Variants in UBE2D2 observed in about 807,000 individuals in gnomAD.
The protein encoded by UBE2D2 is ubiquitin-conjugating enzyme E2 D2.
UBE2D2 carries 2 observed loss-of-function variants against 24.2 expected under a neutral mutation model. The ratio of observed to expected loss-of-function variants is 0.08; its 90% CI spans 0.03 to 0.26. UBE2D2 has a LOEUF of 0.26. UBE2D2 is among the 10% of genes least tolerant of loss of function. The pLI is 1.00. For missense variants in UBE2D2, 44 were observed against 177.6 expected (o/e 0.25, Z 4.28); for synonymous variants, 58 against 56.5 (o/e 1.03, Z -0.12).
At chr5:139,592,378 C>T (rs932781348) in intron 1 of UBE2D2, among the ~76,000 whole-genome samples, 9 of 151,990 alleles carry the variant, frequency 5.9e-5, no homozygotes, top group African/African-American at 1.7e-4. Flanking sequence ...TTTAACTCAT[C>T]AGACATAAAA....
At chr5:139,575,934 G>T (rs554109558) in intron 1 of UBE2D2, among the ~76,000 whole-genome samples, 64 of 152,276 alleles carry the variant, frequency 4.2e-4, no homozygotes, top group Non-Finnish European at 7.4e-5. Context: ...GGAAGAGGAG[G>T]ATCTCTTGAG....
intron 6 of UBE2D2, among the ~76,000 whole-genome samples, chr5:139,625,424 A>ACC (rs1561523477): frequency 2.0e-4 from 4 of 19,528 alleles, no homozygotes; most frequent in Admixed American, 1.4e-3. Context: ...CAGCATACCC[A>ACC]CCCCCACCCC....
chr5:139,568,834 G>T (rs1264623015), intron 1 of UBE2D2, among the ~76,000 whole-genome samples: 2 of 152,142 alleles, frequency 1.3e-5, no homozygotes, highest in Non-Finnish European at 2.9e-5. Flanking sequence ...AGCCGGGCAT[G>T]GTGGTGAGCA....
At chr5:139,619,920 C>T (rs1041546685) in intron 5 of UBE2D2, among the ~76,000 whole-genome samples, 3 of 152,090 alleles carry the variant, frequency 2.0e-5, no homozygotes, top group African/African-American at 7.2e-5. Flanking sequence ...GAAAGCATGG[C>T]AGCATCTGCT....
In UBE2D2 at chr5:139,588,803, C is replaced by T. The variant is rs532416701; in HGVS notation, c.25-11569C>T. 5.3e-5 allele frequency among the ~76,000 whole-genome samples: 8 copies of T among 152,168 alleles called. No homozygotes were observed. The East Asian group carries it at 1.5e-3, about 29-fold the overall frequency. On this transcript the variant is annotated intron_variant, in intron 1 of 6. Transcript: ENST00000398733. ...TTTTGTTTTTTGAGATAGGGTCTTG[C>T]CCTGTCACCCAGGGTGAAGTGCAGT...
intron 1 of UBE2D2, among the ~76,000 whole-genome samples, chr5:139,530,360 A>G (rs529890480): frequency 1.3e-5 from 2 of 152,272 alleles, no homozygotes; most frequent in South Asian, 2.1e-4. Context: ...AAACAGGTGA[A>G]CTTCTAGGCT....
chr5:139,534,358 A>C (rs1250525462), intron 1 of UBE2D2, among the ~76,000 whole-genome samples: 1 of 151,878 alleles, frequency 6.6e-6, no homozygotes, highest in Non-Finnish European at 1.5e-5. Context: ...CGAGGTCAGG[A>C]GATCGAGACC....
At chr5:139,536,291 G>C (rs1752681323) in intron 1 of UBE2D2, among the ~76,000 whole-genome samples, 1 of 151,364 alleles carries the variant, frequency 6.6e-6, no homozygotes, top group Admixed American at 6.6e-5. Context: ...TATAGACAGG[G>C]TTTCTCCACA....
chr5:139,552,725 C>T (rs1413036384), intron 1 of UBE2D2, among the ~76,000 whole-genome samples: 1 of 145,984 alleles, frequency 6.9e-6, no homozygotes, highest in Non-Finnish European at 1.5e-5. Context: ...TCTTGTTGCC[C>T]AGGCTGGAAT....
intron 1 of UBE2D2, among the ~76,000 whole-genome samples, chr5:139,579,520 C>T (rs973385518): frequency 1.1e-4 from 16 of 152,016 alleles, no homozygotes; most frequent in Admixed American, 3.9e-4. Context: ...AACTCCTGAC[C>T]TCAAGATGAT....
At chr5:139,609,763 C>CT (rs1364806573) in intron 2 of UBE2D2, among the ~76,000 whole-genome samples, 1 of 144,390 alleles carries the variant, frequency 6.9e-6, no homozygotes, top group Non-Finnish European at 1.5e-5. Context: ...TTCTTTCTTT[C>CT]TTTTTTTGTT....
intron 6 of UBE2D2, among the ~76,000 whole-genome samples, chr5:139,625,315 A>G (rs1460951058): frequency 5.2e-5 from 6 of 114,590 alleles, no homozygotes; most frequent in African/African-American, 6.9e-5. Flanking sequence ...GGATCTCACT[A>G]TGTTGCACAG....
At chr5:139,611,805 G>C (rs1020286628) in intron 2 of UBE2D2, among the ~76,000 whole-genome samples, 1 of 152,068 alleles carries the variant, frequency 6.6e-6, no homozygotes, top group Non-Finnish European at 1.5e-5. Context: ...TTTTATATTA[G>C]AAATTCACAC....
At chr5:139,618,738 C>T (rs1754463198) in intron 5 of UBE2D2, among the ~76,000 whole-genome samples, 1 of 152,098 alleles carries the variant, frequency 6.6e-6, no homozygotes, top group Admixed American at 6.6e-5. Flanking sequence ...GTTAGGTTCT[C>T]TCTATCTGGA....
chr5:139,532,508 C>A (rs1284362856), intron 1 of UBE2D2, among the ~76,000 whole-genome samples: 9 of 152,068 alleles, frequency 5.9e-5, no homozygotes, highest in Admixed American at 1.3e-4. Context: ...CCCGACATCA[C>A]ACCCGGCTAA....
At chr5:139,579,064 T>C (rs1753541794) in intron 1 of UBE2D2, among the ~76,000 whole-genome samples, 1 of 152,162 alleles carries the variant, frequency 6.6e-6, no homozygotes, top group Non-Finnish European at 1.5e-5. Flanking sequence ...GCCTCCCAGG[T>C]TCAAGTGATT....
chr5:139,570,773 G>C (rs1211978576), intron 1 of UBE2D2, among the ~76,000 whole-genome samples: 1 of 151,836 alleles, frequency 6.6e-6, no homozygotes, highest in East Asian at 2.0e-4. Flanking sequence ...GGCTGGTTTG[G>C]AACTCCTGAC....
rs539175476 is a variant in UBE2D2 at position 139,615,172 on chromosome 5, T to C, written c.304+206T>C. 2.6e-5 allele frequency among the ~76,000 whole-genome samples: 4 copies of C among 152,308 alleles called. No individual in the cohort carries two copies. The South Asian group carries it at 6.2e-4, about 24-fold the overall frequency. ...GTAGTGACTAGTCTGTCAGTTGTGCTACTCTAGCATAGGTTAGAAGATGAA... is the reference window on the plus strand; with the variant it reads ...GTAGTGACTAGTCTGTCAGTTGTGCCACTCTAGCATAGGTTAGAAGATGAA... On this transcript the variant is annotated intron_variant, in intron 5 of 6. Coordinates refer to ENST00000398733, the MANE Select transcript of UBE2D2 (RefSeq NM_003339.3).
intron 1 of UBE2D2, among the ~76,000 whole-genome samples, chr5:139,570,980 C>T (rs1019309744): frequency 4.6e-5 from 7 of 152,192 alleles, no homozygotes; most frequent in African/African-American, 1.7e-4. Flanking sequence ...GGTTTTTAAT[C>T]TCTAAAAAGA....
Sources: gnomAD v4.1 joint callset for allele counts (sites outside exome capture counted in the v4.1 genomes callset) on GRCh38, gnomAD v4.1.1 for gene constraint, MANE v1.5 for transcripts, NCBI Gene and HGNC (gene_info 2026-07-23, HGNC 2026-07-21) for gene names.